Variants in COBL observed in about 807,000 individuals in gnomAD.
COBL encodes the protein protein cordon-bleu.
In COBL, 51 loss-of-function variants were observed where a neutral mutation model predicts 98.8. That is an observed-to-expected ratio of 0.52 (90% CI 0.41 to 0.65). The LOEUF (loss-of-function observed/expected upper bound fraction) is 0.65, where lower values mean the gene tolerates loss of function less well. COBL is among the 30% of genes least tolerant of loss of function. COBL has a pLI of 0.00. For synonymous variants in COBL, 634 were observed against 651.7 expected (o/e 0.97, Z 0.41); for missense variants, 1,617 against 1,617.5 (o/e 1.00, Z 0.01).
At position 51,227,954 on chromosome 7, in the gene COBL, C is replaced by T. The variant is rs577661826; in HGVS notation, c.42-8010G>A. Reference sequence around the variant, plus strand: ...GTCTATGAAACAATCACACTGCAGCCCACAGAATTGTGGCATAAAAACAAT... The same window carrying T: ...GTCTATGAAACAATCACACTGCAGCTCACAGAATTGTGGCATAAAAACAAT... On this transcript the variant is annotated intron_variant, in intron 1 of 12. Transcript: ENST00000265136. Among the ~76,000 whole-genome samples the T allele has an allele frequency of 3.5e-4, 53 of 152,224 alleles. 1 individual carries two copies. Among genetic ancestry groups the T allele is most frequent in the African/African-American group, 1.3e-3 (52 of 41,530 alleles).
At chr7:51,066,580 G>A (rs374807559) in intron 7 of COBL, among the ~76,000 whole-genome samples, 3 of 152,296 alleles carry the variant, frequency 2.0e-5, no homozygotes, top group South Asian at 4.1e-4. Flanking sequence ...GTAAAATGAG[G>A]ATGATAACAA....
chr7:51,238,246 T>G (rs1450384219), intron 1 of COBL, among the ~76,000 whole-genome samples: 2 of 152,206 alleles, frequency 1.3e-5, no homozygotes, highest in Non-Finnish European at 2.9e-5. Context: ...GCCACATGAC[T>G]TCCACACCTG....
chr7:51,269,139 C>T (rs563332874), intron 1 of COBL, among the ~76,000 whole-genome samples: 24 of 152,172 alleles, frequency 1.6e-4, no homozygotes, highest in African/African-American at 5.5e-4. Flanking sequence ...ATGGGGAGTG[C>T]TTCTGTGTCC....
intron 7 of COBL, chr7:51,065,431 G>A (rs1368796709): frequency 1.4e-6 from 1 of 701,708 alleles, no homozygotes; most frequent in Non-Finnish European, 2.6e-6. Flanking sequence ...TCTTATCACA[G>A]CTTCAGCTGC....
At chr7:51,213,239 C>T (rs532437023) in intron 2 of COBL, among the ~76,000 whole-genome samples, 34 of 152,260 alleles carry the variant, frequency 2.2e-4, no homozygotes, top group Admixed American at 1.2e-3. Flanking sequence ...CTGCCACAGA[C>T]GAGGACCAGT....
At chr7:51,135,427 T>TG (rs1465904744) in intron 6 of COBL, among the ~76,000 whole-genome samples, 2 of 152,114 alleles carry the variant, frequency 1.3e-5, no homozygotes, top group African/African-American at 4.8e-5. Flanking sequence ...CAGAGATGGA[T>TG]GACCAGAGGA....
intron 1 of COBL, among the ~76,000 whole-genome samples, chr7:51,263,484 A>T (rs2129151657): frequency 6.6e-6 from 1 of 152,368 alleles, no homozygotes; most frequent in East Asian, 1.9e-4. Context: ...AAGCCCTGCA[A>T]AGTGCTGGCA....
chr7:51,113,627 C>A (rs1302538032), intron 6 of COBL, among the ~76,000 whole-genome samples: 2 of 151,986 alleles, frequency 1.3e-5, no homozygotes, highest in African/African-American at 4.8e-5. Flanking sequence ...TTATTTCTAC[C>A]AAAACAATAG....
chr7:51,025,258 G>GGGTGGGGGGGGGGGGGGGGGC lies in COBL; in HGVS notation c.3618_3619insGCCCCCCCCCCCCCCCCCACC (p.Ile1206_Pro1207insAlaProProProProProThr). On this transcript the variant is annotated inframe_insertion, in exon 12 of 13. Transcript: ENST00000265136. ...TGGGAGGGTGGAGGGGGTGGTGGGG[G>GGGTGGGGGGGGGGGGGGGGGC]AATGGCTGGTGGGGACAGAAGACCA... 1 of 725,722 alleles carries GGGTGGGGGGGGGGGGGGGGGC rather than the reference G, an allele frequency of 1.4e-6. No individual in the cohort carries two copies. The highest frequency in any genetic ancestry group is 2.4e-6 in the Non-Finnish European group (1 of 411,536). The allele number at this position is 725,722 out of a possible 1,614,324, so 45.0% of individuals were successfully genotyped here.
rs371734041 is a variant in COBL, at chr7:51,208,568, C to T, written c.245+11173G>A. Among the ~76,000 whole-genome samples the T allele has an allele frequency of 7.5e-3, 1,140 of 152,348 alleles. 13 individuals are homozygous for T. The highest frequency in any genetic ancestry group is 0.026 in the African/African-American group (1,079 of 41,568). On this transcript the variant is annotated intron_variant, in intron 2 of 12. Transcript: ENST00000265136. The stretch of plus-strand genomic sequence containing the variant: ...CACCCCATCTGGGAGGCGTGCCCAG[C>T]GGCTCATTGAGAACGGGCCATGATG...
At chr7:51,247,550 T>G (rs1326378797) in intron 1 of COBL, among the ~76,000 whole-genome samples, 1 of 152,200 alleles carries the variant, frequency 6.6e-6, no homozygotes, top group Non-Finnish European at 1.5e-5. Flanking sequence ...AGGTGGACAC[T>G]GGACAGGTAG....
chr7:51,083,832 C>A (rs891653247), intron 7 of COBL, among the ~76,000 whole-genome samples: 1 of 152,158 alleles, frequency 6.6e-6, no homozygotes, highest in African/African-American at 2.4e-5. Context: ...AGGACTCAGG[C>A]CTCCAGGGCG....
intron 6 of COBL, among the ~76,000 whole-genome samples, chr7:51,119,639 G>A (rs374837626): frequency 2.0e-5 from 3 of 152,172 alleles, no homozygotes; most frequent in South Asian, 4.1e-4. Context: ...TGGAATTCAA[G>A]TCTTTATAGT....
intron 7 of COBL, chr7:51,073,267 AAGAACAAC>A (rs1792738380): frequency 1.6e-6 from 1 of 617,030 alleles, no homozygotes; most frequent in African/African-American, 1.8e-5. Context: ...TGAAAGGAGG[AAGAACAAC>A]AGGAAAATCA....
intron 5 of COBL, among the ~76,000 whole-genome samples, chr7:51,141,614 C>T (rs1799755010): frequency 6.6e-6 from 1 of 151,800 alleles, no homozygotes; most frequent in African/African-American, 2.4e-5. Flanking sequence ...ATGCTGCCCC[C>T]TTTTGAAAGG....
At chr7:51,047,697 A>T (rs1454578816) in intron 7 of COBL, among the ~76,000 whole-genome samples, 3 of 152,186 alleles carry the variant, frequency 2.0e-5, no homozygotes, top group Admixed American at 1.3e-4. Flanking sequence ...CTACCTCGCC[A>T]CCTCACACTG....
intron 1 of COBL, among the ~76,000 whole-genome samples, chr7:51,271,002 T>A (rs972319183): frequency 5.3e-5 from 8 of 152,324 alleles, no homozygotes; most frequent in African/African-American, 1.9e-4. Context: ...GTCTTCCTCC[T>A]CTGCATCAAC....
chr7:51,194,776 T>C (rs1790439972), intron 2 of COBL, among the ~76,000 whole-genome samples: 1 of 152,212 alleles, frequency 6.6e-6, no homozygotes, highest in African/African-American at 2.4e-5. Context: ...AAAGTGTCTG[T>C]TCATGTCCTT....
At chr7:51,131,081 C>A (rs751972129) in intron 6 of COBL, among the ~76,000 whole-genome samples, 1 of 152,150 alleles carries the variant, frequency 6.6e-6, no homozygotes, top group Non-Finnish European at 1.5e-5. Flanking sequence ...CCTCCATCAT[C>A]ACTTATTTTA....
Sources: gnomAD v4.1 joint callset for allele counts (sites outside exome capture counted in the v4.1 genomes callset) on GRCh38, gnomAD v4.1.1 for gene constraint, MANE v1.5 for transcripts, NCBI Gene and HGNC (gene_info 2026-07-23, HGNC 2026-07-21) for gene names.